Variants in SYNE2 observed in about 807,000 individuals in gnomAD.
SYNE2 encodes spectrin repeat containing nuclear envelope protein 2.
SYNE2 carries 431 observed loss-of-function variants against 856.3 expected under a neutral mutation model. The ratio of observed to expected loss-of-function variants is 0.50; its 90% confidence interval spans 0.47 to 0.55. The LOEUF is 0.55. SYNE2 is among the 20% of genes least tolerant of loss of function. The pLI is 0.00. For missense variants in SYNE2, 8,129 were observed against 8,023.2 expected (o/e 1.01, Z -0.50); for synonymous variants, 2,923 against 2,872.3 (o/e 1.02, Z -0.56).
At chr14:63,781,668 C>CTCTA (rs1555337807) in intron 1 of SYNE2, among the ~76,000 whole-genome samples, 27,297 of 149,604 alleles carry the variant, frequency 0.18, 2,691 homozygotes, top group South Asian at 0.26. Flanking sequence ...TTCTCTCTCT[C>CTCTA]TATATATATA....
Position 64,055,771 on chromosome 14 carries a change from T to G in SYNE2, c.9745-173T>G, listed in dbSNP as rs573953638. On this transcript the variant is annotated intron_variant, in intron 48 of 115. Transcript: ENST00000555002. The stretch of plus-strand genomic sequence containing the variant: ...AACTCTTATAAGACTCAGAGACATG[T>G]ATACATATGTAACAAACCTGCACAT... Among the ~76,000 whole-genome samples the G allele has an allele frequency of 3.3e-5, 5 of 152,154 alleles. No homozygotes were observed. The South Asian group carries it at 8.3e-4, about 25-fold the overall frequency.
At chr14:64,108,728 C>CT (rs1319932607) in intron 65 of SYNE2, among the ~76,000 whole-genome samples, 1 of 150,698 alleles carries the variant, frequency 6.6e-6, no homozygotes, top group African/African-American at 2.4e-5. Flanking sequence ...CCTTTCTCTT[C>CT]TTTCTTTCCC....
intron 31 of SYNE2, among the ~76,000 whole-genome samples, chr14:64,009,243 T>C (rs1335637074): frequency 6.6e-6 from 1 of 151,836 alleles, no homozygotes; most frequent in Non-Finnish European, 1.5e-5. Flanking sequence ...AGAATAGATA[T>C]ATAAAAGGCC....
Position 64,206,345 on chromosome 14 carries a change from G to A in SYNE2, c.18202-2413G>A, listed in dbSNP as rs1012760915. Among the ~76,000 whole-genome samples, 4 of 152,138 alleles carry A rather than the reference G, an allele frequency of 2.6e-5. No homozygotes were observed. The East Asian group carries it at 7.7e-4, about 29-fold the overall frequency. On this transcript the variant is annotated intron_variant, in intron 100 of 115. Transcript: ENST00000555002. Reference sequence around the variant, plus strand: ...GGACAGTTTCTAAAACCTGATTCTTGTGCAGACTTAGGTCTCCGTGGTTAC... The same window carrying A: ...GGACAGTTTCTAAAACCTGATTCTTATGCAGACTTAGGTCTCCGTGGTTAC...
intron 1 of SYNE2, among the ~76,000 whole-genome samples, chr14:63,837,595 A>C (rs67106029): frequency 2.0e-5 from 3 of 151,850 alleles, no homozygotes; most frequent in Non-Finnish European, 2.9e-5. Context: ...GCAACTCCAC[A>C]GTAAAAACAA....
Position 64,051,826 on chromosome 14 carries a change from CTG to C in SYNE2, c.7914_7915del (p.Glu2639AspfsTer32). On this transcript the variant is annotated frameshift_variant, in exon 48 of 116. Coordinates refer to ENST00000555002, the MANE Select transcript of SYNE2 (RefSeq NM_182914.3). LOFTEE classifies it high-confidence loss of function. Reference sequence around the variant, plus strand: ...ACCCTCATGAATAAGGTACAGGACACTGAGATTTCTCTGCAACAGCAGCAGCA... The same window carrying C: ...ACCCTCATGAATAAGGTACAGGACACAGATTTCTCTGCAACAGCAGCAGCA... The C allele has an allele frequency of 6.2e-7, 1 of 1,614,096 alleles. No homozygotes were observed. Among genetic ancestry groups the C allele is most frequent in the East Asian group, 2.2e-5 (1 of 44,880 alleles).
intron 1 of SYNE2, among the ~76,000 whole-genome samples, chr14:63,900,183 A>G (rs919335144): frequency 2.0e-5 from 3 of 152,178 alleles, no homozygotes; most frequent in Non-Finnish European, 4.4e-5. Context: ...GGTTGGTGAC[A>G]CTGCTTTGTT....
chr14:64,075,838 C>T lies in SYNE2; in HGVS notation c.10867-107C>T, dbSNP rs1006662460. 3.2e-6 allele frequency: 4 copies of T among 1,254,256 alleles called. No homozygotes were observed. In the African/African-American group the frequency reaches 4.4e-5, roughly 14 times the overall value. 77.7% of individuals were successfully genotyped at this position (1,254,256 alleles called of 1,614,324 possible). ...CACTAGTGGGGTTTTGTCATGCAAA[C>T]TGCACTCCTTTAAATCATAAGGATG... On this transcript the variant is annotated intron_variant, in intron 53 of 115. Transcript: ENST00000555002.
At chr14:64,146,922 G>A (rs936362279) in intron 84 of SYNE2, among the ~76,000 whole-genome samples, 4 of 152,208 alleles carry the variant, frequency 2.6e-5, no homozygotes, top group African/African-American at 9.7e-5. Flanking sequence ...CATTTCTACT[G>A]AGGAGGTCAC....
At chr14:63,808,304 C>T (rs865778900) in intron 1 of SYNE2, among the ~76,000 whole-genome samples, 1 of 151,834 alleles carries the variant, frequency 6.6e-6, no homozygotes, top group South Asian at 2.1e-4. Context: ...GCCAGACCAA[C>T]ATGGTGAAAC....
intron 1 of SYNE2, among the ~76,000 whole-genome samples, chr14:63,843,363 T>A (rs1011168172): frequency 2.6e-5 from 4 of 152,150 alleles, no homozygotes; most frequent in African/African-American, 9.7e-5. Flanking sequence ...TAATTTTAAA[T>A]CTAGCTACAT....
chr14:63,839,174 C>A (rs1189706500), intron 1 of SYNE2, among the ~76,000 whole-genome samples: 1 of 152,062 alleles, frequency 6.6e-6, no homozygotes, highest in Non-Finnish European at 1.5e-5. Context: ...GGACTACAGT[C>A]ATGTGCCACC....
intron 29 of SYNE2, among the ~76,000 whole-genome samples, 170 bp downstream of exon 29, chr14:64,002,251 C>T (rs2096761129): frequency 6.6e-6 from 1 of 151,288 alleles, no homozygotes; most frequent in Non-Finnish European, 1.5e-5. Flanking sequence ...CTCTTTAATT[C>T]CTTGCAAATT....
At chr14:64,032,726 C>G (rs1031337120) in intron 45 of SYNE2, among the ~76,000 whole-genome samples, 1 of 152,140 alleles carries the variant, frequency 6.6e-6, no homozygotes, top group Non-Finnish European at 1.5e-5. Context: ...GCATGTGCCA[C>G]CACGCCTGGC....
At chr14:63,877,224 C>T (rs2094745519) in intron 1 of SYNE2, among the ~76,000 whole-genome samples, 1 of 152,098 alleles carries the variant, frequency 6.6e-6, no homozygotes, top group African/African-American at 2.4e-5. Context: ...TGCACCATGA[C>T]TGCTTTCATA....
intron 112 of SYNE2, 76 bp from the exon 113 acceptor site, chr14:64,223,113 C>CT (rs150499329): frequency 0.022 from 33,437 of 1,534,010 alleles, 1,080 homozygotes; most frequent in African/African-American, 0.14. Flanking sequence ...TTTTCTGGTA[C>CT]TGAGAAAAAC....
chr14:64,166,596 GC>G (rs2098380865), intron 90 of SYNE2, among the ~76,000 whole-genome samples: 1 of 152,140 alleles, frequency 6.6e-6, no homozygotes, highest in South Asian at 2.1e-4. Context: ...TTTGTTGAAG[GC>G]CAGGTTATTG....
intron 26 of SYNE2, 60 bp downstream of exon 26, chr14:63,998,388 TG>T: frequency 8.8e-7 from 1 of 1,142,448 alleles, no homozygotes; most frequent in Non-Finnish European, 1.3e-6. Flanking sequence ...GATGCAAACA[TG>T]TTAGACTTTT....
rs747840683 is a variant in SYNE2 at position 64,052,290 on chromosome 14, G to T, written c.8377G>T (p.Val2793Phe). The change falls in exon 48 of 116, where the codon GTT (valine) becomes TTT (phenylalanine). Residue 2793 changes from valine (V) to phenylalanine (F), a missense_variant. Transcript: ENST00000555002. ...GTTGGCTGAAGAGGTCAAAGATAAG[G>T]TTCCTAGCCTTACAACCTATGAGGG... ...ESLAEEVKDKVPSLTTYEGSD... is the reference protein window; with the variant it reads ...ESLAEEVKDKFPSLTTYEGSD... 1.9e-6 allele frequency: 3 copies of T among 1,614,138 alleles called. No individual in the cohort carries two copies. Among genetic ancestry groups the T allele is most frequent in the African/African-American group, 2.7e-5 (2 of 75,040 alleles).
Sources: allele counts gnomAD v4.1 joint callset (sites outside exome capture counted in the v4.1 genomes callset), GRCh38; gene constraint gnomAD v4.1.1; transcripts MANE v1.5; gene names NCBI Gene and HGNC (gene_info 2026-07-23, HGNC 2026-07-21).